The following WT1 variants were observed in gnomAD, a reference collection of about 807,000 sequenced individuals.
WT1 encodes WT1 transcription factor.
WT1 carries 8 observed loss-of-function variants against 60.8 expected under a neutral mutation model. The observed-to-expected ratio is 0.13, with a 90% CI of 0.08 to 0.24. WT1 has a LOEUF of 0.24. Ranked by LOEUF, WT1 falls within the 10% of genes least tolerant of loss-of-function variation. The pLI, the probability that WT1 is intolerant of heterozygous loss-of-function variation, is 1.00. For synonymous variants in WT1, 312 were observed against 297.1 expected (o/e 1.05, Z -0.52); for missense variants, 568 against 711.8 (o/e 0.80, Z 2.30).
intron 1 of WT1, chr11:32,430,455 G>GGAGA (rs529663782): frequency 0.027 from 23,947 of 885,946 alleles, 219 homozygotes; most frequent in Middle Eastern, 0.03. Flanking sequence ...AGAGAGGGAG[G>GGAGA]GAGAGAGAGA....
At chr11:32,425,265 C>G (rs1429672950) in intron 3 of WT1, among the ~76,000 whole-genome samples, 1 of 150,796 alleles carries the variant, frequency 6.6e-6, no homozygotes, top group Non-Finnish European at 1.5e-5. Context: ...CTCAGAGGGT[C>G]AAATGCAACA....
At chr11:32,419,882 T>A (rs1237032838) in intron 3 of WT1, among the ~76,000 whole-genome samples, 1 of 152,098 alleles carries the variant, frequency 6.6e-6, no homozygotes, top group Non-Finnish European at 1.5e-5. Context: ...TTAGTAGACA[T>A]GGGGTTTCAC....
intron 5 of WT1, among the ~76,000 whole-genome samples, chr11:32,406,306 G>A (rs1000111245): frequency 1.3e-5 from 2 of 152,134 alleles, no homozygotes; most frequent in African/African-American, 4.8e-5. Context: ...CTTATAAGGA[G>A]AGTGCAACCT....
chr11:32,428,934 A>G (rs2133077869), intron 1 of WT1: 1 of 437,316 alleles, frequency 2.3e-6, no homozygotes, highest in African/African-American at 2.0e-5. Context: ...AATTAAGTAT[A>G]AAACTCGTTG....
chr11:32,427,180 G>T (rs1426390232), intron 3 of WT1, among the ~76,000 whole-genome samples: 1 of 152,246 alleles, frequency 6.6e-6, no homozygotes, highest in South Asian at 2.1e-4. Flanking sequence ...CGTGCGGGCT[G>T]GTGTGCGCCG....
In WT1 at chr11:32,388,713, C is replaced by T. The variant is rs5030318; in HGVS notation, c.*345G>A. 1,320 of 388,186 alleles carry T rather than the reference C, an allele frequency of 3.4e-3. 15 individuals carry two copies. The highest frequency in any genetic ancestry group is 0.024 in the African/African-American group (1,223 of 50,608). 24.0% of individuals were successfully genotyped at this position (388,186 alleles called of 1,614,324 possible). A position where few individuals can be genotyped will look rare whatever the true frequency, so the allele number is the denominator to read the frequency against. On this transcript the variant is annotated 3_prime_UTR_variant, in exon 10 of 10. Coordinates refer to ENST00000452863, the MANE Select transcript of WT1 (RefSeq NM_024426.6). The stretch of plus-strand genomic sequence containing the variant: ...AATGGTACAATAATTCCATCCCCAG[C>T]GAAAACGAGCATAAAAAAAGAAGGG...
intron 5 of WT1, among the ~76,000 whole-genome samples, chr11:32,411,352 T>G (rs1368702202): frequency 1.3e-5 from 2 of 152,314 alleles, no homozygotes; most frequent in East Asian, 3.9e-4. Flanking sequence ...TTTAAGAGGC[T>G]GAGAATATTT....
intron 5 of WT1, among the ~76,000 whole-genome samples, chr11:32,405,732 G>C (rs1852289568): frequency 6.6e-6 from 1 of 152,066 alleles, no homozygotes; most frequent in Admixed American, 6.5e-5. Context: ...CACAGTGCTT[G>C]GTATGCACTC....
intron 5 of WT1, among the ~76,000 whole-genome samples, chr11:32,409,312 G>A (rs1398729620): frequency 2.0e-5 from 3 of 151,996 alleles, no homozygotes; most frequent in Non-Finnish European, 4.4e-5. Flanking sequence ...TCAAAAACTT[G>A]AAACTGTAAG....
chr11:32,394,260 C>G (rs1451732855), intron 7 of WT1, among the ~76,000 whole-genome samples: 2 of 152,108 alleles, frequency 1.3e-5, no homozygotes, highest in African/African-American at 4.8e-5. Flanking sequence ...GAAGATGTTA[C>G]CCCTATTGAG....
chr11:32,434,604 C>T, intron 1 of WT1, 96 bp downstream of exon 1: 3 of 1,587,760 alleles, frequency 1.9e-6, no homozygotes, highest in Non-Finnish European at 2.6e-6. Context: ...TGGGTAAGAG[C>T]TGCGGTCAAA....
intron 7 of WT1, among the ~76,000 whole-genome samples, chr11:32,394,855 T>C (rs573547880): frequency 6.6e-6 from 1 of 152,360 alleles, no homozygotes; most frequent in African/African-American, 2.4e-5. Flanking sequence ...CCTCACTGCA[T>C]TCTAAGTGCT....
intron 9 of WT1, among the ~76,000 whole-genome samples, chr11:32,391,565 C>T (rs1241274799): frequency 6.6e-6 from 1 of 152,192 alleles, no homozygotes; most frequent in Non-Finnish European, 1.5e-5. Flanking sequence ...GGACTCAGTT[C>T]TCTGAAAATA....
chr11:32,397,705 C>T (rs1431287636), intron 6 of WT1, among the ~76,000 whole-genome samples: 1 of 152,132 alleles, frequency 6.6e-6, no homozygotes, highest in Non-Finnish European at 1.5e-5. Flanking sequence ...CCACTCTACC[C>T]CATGCTTATG....
At chr11:32,427,481 A>G (rs1464736945) in intron 3 of WT1, among the ~76,000 whole-genome samples, 2 of 152,174 alleles carry the variant, frequency 1.3e-5, no homozygotes, top group Non-Finnish European at 2.9e-5. Context: ...AACGACGTCC[A>G]CAAAGCGCTG....
At chr11:32,415,165 C>T (rs1852625103) in intron 5 of WT1, among the ~76,000 whole-genome samples, 1 of 152,164 alleles carries the variant, frequency 6.6e-6, no homozygotes, top group African/African-American at 2.4e-5. Flanking sequence ...ACAAACAAGC[C>T]CCTGTATTAC....
intron 4 of WT1, 36 bp downstream of exon 4, chr11:32,417,541 T>C: frequency 1.3e-6 from 2 of 1,570,164 alleles, no homozygotes; most frequent in Non-Finnish European, 8.8e-7. Flanking sequence ...AGGTATAAGT[T>C]ACTGTGGAAA....
rs1241240711 is a variant in WT1 at position 32,391,886 on chromosome 11, T to G, written c.1447+86A>C. On this transcript the variant is annotated intron_variant, in intron 9 of 9. Transcript: ENST00000452863. ...CTAAACCTTAGAACTTTTACACTAG[T>G]CTTTTCCAATCCCTCTCATCACAAT... 6 of 1,390,936 alleles carry G rather than the reference T, an allele frequency of 4.3e-6. No individual in the cohort carries two copies. In the Admixed American group the frequency reaches 5.0e-5, roughly 12 times the overall value. The allele number at this position is 1,390,936 out of a possible 1,614,324, so 86.2% of individuals were successfully genotyped here.
intron 5 of WT1, among the ~76,000 whole-genome samples, chr11:32,409,462 T>C (rs951585533): frequency 6.6e-6 from 1 of 152,034 alleles, no homozygotes; most frequent in Non-Finnish European, 1.5e-5. Context: ...GCACTTTTTC[T>C]TTATTATTAT....
Sources: allele counts gnomAD v4.1 joint callset (sites outside exome capture counted in the v4.1 genomes callset), GRCh38; gene constraint gnomAD v4.1.1; transcripts MANE v1.5; gene names NCBI Gene and HGNC (gene_info 2026-07-23, HGNC 2026-07-21).